The following ESRP1 variants were observed in gnomAD, a reference collection of about 807,000 sequenced individuals.
ESRP1 encodes the protein epithelial splicing regulatory protein 1.
ESRP1 carries 33 observed loss-of-function variants against 81.7 expected under a neutral mutation model. That is an observed-to-expected ratio of 0.40 (90% CI 0.31 to 0.54). The LOEUF is 0.54. Among genes scored for constraint, ESRP1 ranks in the 20% least tolerant of loss-of-function variants. The pLI, the probability that ESRP1 is intolerant of heterozygous loss-of-function variation, is 0.41. For missense variants in ESRP1, 672 were observed against 833.1 expected (o/e 0.81, Z 2.38); for synonymous variants, 320 against 303.3 (o/e 1.06, Z -0.57).
chr8:94,703,563 G>T (rs1487862551), intron 15 of ESRP1, among the ~76,000 whole-genome samples: 1 of 152,056 alleles, frequency 6.6e-6, no homozygotes, highest in African/African-American at 2.4e-5. Context: ...GAATATGAAG[G>T]CTTAATTTTC....
rs1817579330 is a variant in ESRP1, at chr8:94,641,365, C to G, written c.47C>G (p.Ala16Gly). ...TTGGTGGTGCTTTTTGGGATCACTG[C>G]TGGGGCCACCGGGGCCAAGCTAGGC... ...DYLVVLFGIT[A>G]GATGAKLGSD... Residue 16 changes from alanine (A) to glycine (G), a missense_variant, in exon 1 of 16, where the codon GCT becomes GGT. By Grantham distance (60) the Ala-to-Gly change is moderately conservative. Coordinates refer to ENST00000433389, the MANE Select transcript of ESRP1 (RefSeq NM_017697.4). The G allele has an allele frequency of 1.2e-6, 2 of 1,613,912 alleles. No individual in the cohort carries two copies. Among genetic ancestry groups the G allele is most frequent in the East Asian group, 4.5e-5 (2 of 44,876 alleles).
chr8:94,696,756 C>T, intron 14 of ESRP1, 96 bp from the exon 15 acceptor site: 1 of 902,784 alleles, frequency 1.1e-6, no homozygotes, highest in Non-Finnish European at 1.7e-6. Context: ...ATCTAAATGT[C>T]CTATACTTTT....
At chr8:94,692,353 A>T (rs1809436639) in intron 13 of ESRP1, among the ~76,000 whole-genome samples, 1 of 152,058 alleles carries the variant, frequency 6.6e-6, no homozygotes, top group African/African-American at 2.4e-5. Flanking sequence ...CCGGTGAATC[A>T]TCAGAGAGCT....
chr8:94,665,870 T>C (rs1004132032), intron 9 of ESRP1, among the ~76,000 whole-genome samples: 2 of 152,198 alleles, frequency 1.3e-5, no homozygotes, highest in African/African-American at 2.4e-5. Flanking sequence ...TTGTTGCACA[T>C]GTGCTTCTAA....
chr8:94,642,204 G>A, intron 2 of ESRP1, 120 bp downstream of exon 2: 1 of 1,279,546 alleles, frequency 7.8e-7, no homozygotes, highest in Non-Finnish European at 1.1e-6. Flanking sequence ...CTGCCCGGCC[G>A]CGTGGGTGGG....
At position 94,662,348 on chromosome 8, in the gene ESRP1, A is replaced by G; in HGVS notation, c.567A>G (p.Leu189=). 6.3e-7 allele frequency: 1 copy of G among 1,582,268 alleles called. No homozygotes were observed. Among genetic ancestry groups the G allele is most frequent in the Non-Finnish European group, 8.6e-7 (1 of 1,162,436 alleles). The change falls in exon 5 of 16, where the codon TTA becomes TTG. Residue 189 remains leucine (L), a synonymous_variant. Transcript: ENST00000433389. ...TTGAAGATATGGGGAATATAATTTTAGCAATGATTTCAGAGCCTTATAGTA... is the reference window on the plus strand; with the variant it reads ...TTGAAGATATGGGGAATATAATTTTGGCAATGATTTCAGAGCCTTATAGTA... ...SQVEDMGNII[L]AMISEPYNHR... is the part of the protein sequence containing the mutation.
At chr8:94,669,724 G>A (rs1204794469) in intron 10 of ESRP1, among the ~76,000 whole-genome samples, 2 of 151,778 alleles carry the variant, frequency 1.3e-5, no homozygotes, top group Admixed American at 1.3e-4. Context: ...AAAAAAATTA[G>A]GCAGTCATGG....
intron 13 of ESRP1, among the ~76,000 whole-genome samples, chr8:94,678,592 T>C (rs1192752471): frequency 6.6e-6 from 1 of 152,252 alleles, no homozygotes; most frequent in African/African-American, 2.4e-5. Context: ...AGGTCACCTA[T>C]GTCTACAGCT....
At chr8:94,694,339 G>A (rs969550212) in intron 14 of ESRP1, among the ~76,000 whole-genome samples, 2 of 152,128 alleles carry the variant, frequency 1.3e-5, no homozygotes, top group African/African-American at 4.8e-5. Flanking sequence ...AGGCATGGTG[G>A]CTCACGCCTG....
At chr8:94,705,168 T>C (rs1329351598) in intron 15 of ESRP1, among the ~76,000 whole-genome samples, 4 of 31,836 alleles carry the variant, frequency 1.3e-4, no homozygotes, top group Admixed American at 1.2e-3. Flanking sequence ...TTTTTTTTTT[T>C]TTTTTTTTTT....
rs150610920 is a variant in ESRP1, at chr8:94,674,030, T to C, written c.1453-278T>C. Among the ~76,000 whole-genome samples, 941 of 152,298 alleles carry C rather than the reference T, an allele frequency of 6.2e-3. 10 individuals are homozygous for C. Among genetic ancestry groups the C allele is most frequent in the African/African-American group, 0.021 (880 of 41,568 alleles). The stretch of plus-strand genomic sequence containing the variant: ...GAAGCAGCAGTCACAAGGAGACCCT[T>C]TCAAACCCTTGTAAATCTGATACTA... On this transcript the variant is annotated intron_variant, in intron 11 of 15. Coordinates refer to ENST00000433389, the MANE Select transcript of ESRP1 (RefSeq NM_017697.4).
intron 9 of ESRP1, among the ~76,000 whole-genome samples, chr8:94,667,182 C>T (rs1215355632): frequency 1.3e-5 from 2 of 150,540 alleles, no homozygotes; most frequent in Non-Finnish European, 2.9e-5. Context: ...CGTGCCACTG[C>T]ACTCCAGCCT....
chr8:94,668,847 C>T (rs1241302827), intron 10 of ESRP1, among the ~76,000 whole-genome samples: 1 of 123,734 alleles, frequency 8.1e-6, no homozygotes, highest in African/African-American at 3.6e-5. Flanking sequence ...GGCTGGAGTG[C>T]AGTGGCGCAA....
chr8:94,704,929 C>T (rs556388485), intron 15 of ESRP1, among the ~76,000 whole-genome samples: 69 of 151,976 alleles, frequency 4.5e-4, no homozygotes, highest in Non-Finnish European at 1.8e-4. Flanking sequence ...AGTAAAATAA[C>T]ATAGTGGAAC....
chr8:94,649,904 A>G (rs956041487), intron 4 of ESRP1, among the ~76,000 whole-genome samples: 53 of 152,240 alleles, frequency 3.5e-4, no homozygotes, highest in African/African-American at 1.2e-3. Context: ...ACACATACAT[A>G]CACACTCTCA....
intron 14 of ESRP1, among the ~76,000 whole-genome samples, chr8:94,695,677 A>G (rs1217514957): frequency 6.8e-6 from 1 of 146,046 alleles, no homozygotes; most frequent in African/African-American, 2.8e-5. Context: ...TTTCTTTTCT[A>G]TCTGTTCTGA....
At chr8:94,697,004 CAG>C in intron 15 of ESRP1, 43 bp downstream of exon 15, 1 of 1,337,378 alleles carries the variant, frequency 7.5e-7, no homozygotes, top group Non-Finnish European at 1.0e-6. Context: ...AAGGGCCAAA[CAG>C]AGATCAAGAT....
chr8:94,641,255 G>T lies in ESRP1; in HGVS notation c.-64G>T. ...AAGAGGGTTTAGCACAGGTTTTTTC[G>T]TTCTCACTTCCACACCACCTTACCG... On this transcript the variant is annotated 5_prime_UTR_variant, in exon 1 of 16. Coordinates refer to ENST00000433389, the MANE Select transcript of ESRP1 (RefSeq NM_017697.4). 5.9e-6 allele frequency: 9 copies of T among 1,515,966 alleles called. No homozygotes were observed. The Admixed American group carries it at 9.8e-5, about 16-fold the overall frequency. The allele number at this position is 1,515,966 out of a possible 1,614,324, so 93.9% of individuals were successfully genotyped here. A position where few individuals can be genotyped will look rare whatever the true frequency, so the allele number is the denominator to read the frequency against.
chr8:94,676,376 T>C (rs1586222822), intron 12 of ESRP1, among the ~76,000 whole-genome samples: 1 of 152,068 alleles, frequency 6.6e-6, no homozygotes, highest in East Asian at 1.9e-4. Context: ...GCTATCCTTT[T>C]GTTTGAGGAA....
Sources: gnomAD v4.1 joint callset for allele counts (sites outside exome capture counted in the v4.1 genomes callset) on GRCh38, gnomAD v4.1.1 for gene constraint, MANE v1.5 for transcripts, NCBI Gene and HGNC (gene_info 2026-07-23, HGNC 2026-07-21) for gene names.